Variants in RCC2 observed in about 807,000 individuals in gnomAD.
RCC2 encodes the protein regulator of chromosome condensation 2.
RCC2 carries 19 observed loss-of-function variants against 64.1 expected under a neutral mutation model. The ratio of observed to expected loss-of-function variants is 0.30; its 90% CI spans 0.21 to 0.44. The LOEUF is 0.44. RCC2 is among the 20% of genes least tolerant of loss of function. RCC2 has a pLI of 1.00. For missense variants in RCC2, 508 were observed against 710.4 expected, an observed-to-expected ratio of 0.72 and a Z score of 3.24; for synonymous variants, 325 against 279.6, an observed-to-expected ratio of 1.16 and a Z score of -1.62.
chr1:17,416,734 G>T, intron 7 of RCC2, 88 bp from the exon 8 acceptor site: 1 of 1,374,786 alleles, frequency 7.3e-7, no homozygotes, highest in Non-Finnish European at 9.8e-7. Context: ...AGTGAGCCCC[G>T]GCAGCACCCC....
Position 17,438,364 on chromosome 1 carries a change from T to TGCTGCCGCCGCC in RCC2, c.139_150dup (p.Gly47_Ser50dup), listed in dbSNP as rs1362380313. Reference sequence around the variant, plus strand: ...AGCTCCAGGCCGTCCTCGTCGCCGCTGCTGCCGCCGCCGCTGCTGCTACTG... The same window carrying TGCTGCCGCCGCC: ...AGCTCCAGGCCGTCCTCGTCGCCGCTGCTGCCGCCGCCGCTGCCGCCGCCGCTGCTGCTACTG... On this transcript the variant is annotated inframe_insertion, in exon 2 of 13. Transcript: ENST00000375436. 8.1e-7 allele frequency: 1 copy of TGCTGCCGCCGCC among 1,241,148 alleles called. No homozygotes were observed. Among genetic ancestry groups the TGCTGCCGCCGCC allele is most frequent in the Non-Finnish European group, 1.0e-6 (1 of 995,228 alleles). The allele number at this position is 1,241,148 out of a possible 1,614,324, so 76.9% of individuals were successfully genotyped here. A position where few individuals can be genotyped will look rare whatever the true frequency, so the allele number is the denominator to read the frequency against.
At chr1:17,431,710 GATAT>G (rs1243596094) in intron 2 of RCC2, among the ~76,000 whole-genome samples, 3 of 151,720 alleles carry the variant, frequency 2.0e-5, no homozygotes, top group Non-Finnish European at 4.4e-5. Context: ...CGTCCCCCAA[GATAT>G]AGGTTCCGTC....
rs147324256 is a variant in RCC2, at chr1:17,416,574, C to T, written c.932G>A (p.Arg311Gln). The T allele has an allele frequency of 6.2e-7, 1 of 1,614,086 alleles. No homozygotes were observed. The highest frequency in any genetic ancestry group is 8.5e-7 in the Non-Finnish European group (1 of 1,180,052). The change falls in exon 8 of 13, where the codon CGA becomes CAA. Residue 311 changes from arginine (R) to glutamine (Q), a missense_variant. This residue lies in a region of RCC2 where 179 missense variants were observed against 322.0 expected (regional missense o/e 0.56). Coordinates refer to ENST00000375436, the MANE Select transcript of RCC2 (RefSeq NM_018715.4). ...IEYDCELVPR[R>Q]VAIFIEKTKD... ...CGTCTTCTCAATGAAGATGGCCACT[C>T]GCCGGGGAACTAGTTCACAGTCGTA...
At chr1:17,421,294 A>C (rs1431008300) in intron 6 of RCC2, among the ~76,000 whole-genome samples, 1 of 152,130 alleles carries the variant, frequency 6.6e-6, no homozygotes, top group Non-Finnish European at 1.5e-5. Flanking sequence ...CAAGAGATGG[A>C]GACCATCCTG....
intron 2 of RCC2, among the ~76,000 whole-genome samples, chr1:17,430,025 C>T (rs1014971340): frequency 6.6e-6 from 1 of 152,252 alleles, no homozygotes; most frequent in African/African-American, 2.4e-5. Context: ...ATATTCTCAG[C>T]ACTTTGCTTC....
intron 12 of RCC2, 102 bp from the exon 13 acceptor site, chr1:17,409,296 GA>G (rs1557618819): frequency 1.3e-6 from 1 of 762,812 alleles, no homozygotes; most frequent in African/African-American, 1.7e-5. Flanking sequence ...TCAGCATGGA[GA>G]AAAACAGAGT....
chr1:17,437,759 GCTCCCCGCAGAGCGCCGGCCGCCCC>G (rs1247264629), intron 2 of RCC2, among the ~76,000 whole-genome samples: 11 of 5,532 alleles, frequency 2.0e-3, no homozygotes, highest in East Asian at 0.014. Flanking sequence ...GCAAACGGCC[GCTCCCCGCAGAGCGCCGGCCGCCCC>G]CTCCCCGCGG....
intron 2 of RCC2, among the ~76,000 whole-genome samples, chr1:17,433,672 G>C (rs2075707376): frequency 6.6e-6 from 1 of 152,184 alleles, no homozygotes; most frequent in African/African-American, 2.4e-5. Flanking sequence ...CCTGGGCAGA[G>C]ACACACAGAA....
Position 17,438,369 on chromosome 1 carries a change from C to G in RCC2, c.146G>C (p.Gly49Ala). The G allele has an allele frequency of 8.0e-7, 1 of 1,242,848 alleles. No individual in the cohort carries two copies. Among genetic ancestry groups the G allele is most frequent in the South Asian group, 3.4e-5 (1 of 29,292 alleles). The allele number at this position is 1,242,848 out of a possible 1,614,324, so 77.0% of individuals were successfully genotyped here. A position where few individuals can be genotyped will look rare whatever the true frequency, so the allele number is the denominator to read the frequency against. ...PERCSSSSGGGSSGDEDGLEL... is the reference protein window; with the variant it reads ...PERCSSSSGGASSGDEDGLEL... The stretch of plus-strand genomic sequence containing the variant: ...CAGGCCGTCCTCGTCGCCGCTGCTG[C>G]CGCCGCCGCTGCTGCTACTGCAGCG... The change falls in exon 2 of 13, where the codon GGC (glycine) becomes GCC (alanine). Residue 49 changes from glycine to alanine, a missense_variant. By Grantham distance (60) the Gly-to-Ala change is moderately conservative (BLOSUM62 0). This residue lies in a region of RCC2 where 195 missense variants were observed against 158.3 expected (regional missense o/e 1.23). Coordinates refer to ENST00000375436, the MANE Select transcript of RCC2 (RefSeq NM_018715.4).
At chr1:17,433,945 A>G (rs916306814) in intron 2 of RCC2, among the ~76,000 whole-genome samples, 2 of 152,122 alleles carry the variant, frequency 1.3e-5, no homozygotes, top group African/African-American at 2.4e-5. Flanking sequence ...CTCCTTTCAG[A>G]TTCAACACAT....
At chr1:17,437,995 G>A (rs2075757768) in intron 2 of RCC2, among the ~76,000 whole-genome samples, 1 of 143,630 alleles carries the variant, frequency 7.0e-6, no homozygotes, top group South Asian at 2.3e-4. Context: ...CGCCCCAACC[G>A]CCAACCGCCC....
chr1:17,424,154 A>T (rs1298753474), intron 4 of RCC2, among the ~76,000 whole-genome samples: 1 of 152,228 alleles, frequency 6.6e-6, no homozygotes, highest in East Asian at 1.9e-4. Flanking sequence ...GCAATGCGTC[A>T]GCCACCCTCC....
At chr1:17,423,708 G>C (rs2075581977) in intron 4 of RCC2, among the ~76,000 whole-genome samples, 2 of 152,380 alleles carry the variant, frequency 1.3e-5, no homozygotes, top group East Asian at 1.9e-4. Context: ...CTCCCGATAA[G>C]AGAAAAACCA....
chr1:17,433,833 C>T (rs140098322), intron 2 of RCC2, among the ~76,000 whole-genome samples: 4 of 152,150 alleles, frequency 2.6e-5, no homozygotes, highest in East Asian at 1.9e-4. Flanking sequence ...ACCGCTGCTC[C>T]GGGGAGGTAA....
intron 2 of RCC2, among the ~76,000 whole-genome samples, chr1:17,433,850 C>A (rs967683983): frequency 6.6e-6 from 1 of 152,078 alleles, no homozygotes; most frequent in South Asian, 2.1e-4. Flanking sequence ...GTAAGACCCC[C>A]GGGAACAATG....
chr1:17,412,652 G>T (rs565537702), intron 10 of RCC2, among the ~76,000 whole-genome samples: 2 of 152,324 alleles, frequency 1.3e-5, no homozygotes, highest in African/African-American at 4.8e-5. Flanking sequence ...CAACTCCTCA[G>T]CAAGAAGTGC....
chr1:17,420,674 C>G (rs1052510049), intron 7 of RCC2, 40 bp downstream of exon 7: 1 of 1,293,594 alleles, frequency 7.7e-7, no homozygotes, highest in Admixed American at 2.2e-5. Context: ...TGAATATATA[C>G]AGTTAGATTA....
chr1:17,409,928 C>G (rs368478824), intron 12 of RCC2, 46 bp downstream of exon 12: 46 of 1,492,958 alleles, frequency 3.1e-5, no homozygotes, highest in Non-Finnish European at 4.2e-5. Flanking sequence ...TGACATACCA[C>G]TGGGTACGGA....
In RCC2 at chr1:17,409,300, AAC is replaced by A. The variant is rs1027688827; in HGVS notation, c.1465-108_1465-107del. 25 of 753,762 alleles carry A rather than the reference AAC, an allele frequency of 3.3e-5. No homozygotes were observed. The African/African-American group carries it at 3.6e-4, about 11-fold the overall frequency. The allele number at this position is 753,762 out of a possible 1,614,324, so 46.7% of individuals were successfully genotyped here. A position where few individuals can be genotyped will look rare whatever the true frequency, so the allele number is the denominator to read the frequency against. ...GCTAAAGCGGGTCAGCATGGAGAAA[AAC>A]AGAGTGCCCTTGAAAACTGCAAAAA... is the stretch of plus-strand genomic sequence containing the variant. On this transcript the variant is annotated intron_variant, in intron 12 of 12. Coordinates refer to ENST00000375436, the MANE Select transcript of RCC2 (RefSeq NM_018715.4).
Sources: gnomAD v4.1 joint callset for allele counts (sites outside exome capture counted in the v4.1 genomes callset) on GRCh38, gnomAD v4.1.1 for gene constraint, gnomAD v4.1.1 regional missense constraint, MANE v1.5 for transcripts, NCBI Gene and HGNC (gene_info 2026-07-23, HGNC 2026-07-21) for gene names.